The following TRIM24 variants were observed in gnomAD, a reference collection of about 807,000 sequenced individuals.
TRIM24 encodes tripartite motif containing 24, also known as transcription intermediary factor 1-alpha.
Under a neutral mutation model 123.9 loss-of-function variants are expected in TRIM24, and 29 were observed. The observed-to-expected ratio is 0.23, with a 90% CI of 0.17 to 0.32. The LOEUF is 0.32. Ranked by LOEUF, TRIM24 falls within the 10% of genes least tolerant of loss-of-function variation. The probability of loss-of-function intolerance (pLI) is 1.00; values close to 1 mark genes in which losing one functional copy is unlikely to be tolerated. For missense variants in TRIM24, 932 were observed against 1,295.3 expected, an observed-to-expected ratio of 0.72 and a Z score of 4.31; for synonymous variants, 456 against 461.1, an observed-to-expected ratio of 0.99 and a Z score of 0.14.
intron 6 of TRIM24, among the ~76,000 whole-genome samples, chr7:138,535,886 C>T (rs1409357811): frequency 6.6e-6 from 1 of 152,078 alleles, no homozygotes; most frequent in African/African-American, 2.4e-5. Context: ...TTCACATAGT[C>T]CCATATTTCT....
intron 1 of TRIM24, among the ~76,000 whole-genome samples, chr7:138,496,976 T>C (rs1175190103): frequency 6.6e-6 from 1 of 152,216 alleles, no homozygotes; most frequent in Non-Finnish European, 1.5e-5. Flanking sequence ...TTTGATTTTC[T>C]AGTGTTCTGT....
Position 138,589,100 on chromosome 7 carries a change from T to A in TRIM24, c.*4149T>A, listed in dbSNP as rs545975322. On this transcript the variant is annotated 3_prime_UTR_variant, in exon 19 of 19. Transcript: ENST00000343526. ...TTTTGAATAACCATGTACATATTTT[T>A]AAAAGTATTTTATAGCCCTATGTAA... 3 of 150,916 alleles carry A rather than the reference T, an allele frequency of 2.0e-5. No homozygotes were observed. Among genetic ancestry groups the A allele is most frequent in the African/African-American group, 4.8e-5 (2 of 41,550 alleles). The allele number at this position is 150,916 out of a possible 1,614,324, so 9.3% of individuals were successfully genotyped here. A position where few individuals can be genotyped will look rare whatever the true frequency, so the allele number is the denominator to read the frequency against.
intron 1 of TRIM24, among the ~76,000 whole-genome samples, chr7:138,479,429 G>A (rs1235930983): frequency 6.6e-6 from 1 of 151,690 alleles, no homozygotes; most frequent in East Asian, 1.9e-4. Context: ...CCAGAGTGTA[G>A]TGGTGCAATC....
intron 11 of TRIM24, among the ~76,000 whole-genome samples, chr7:138,571,916 T>G (rs1429184649): frequency 6.6e-6 from 1 of 152,110 alleles, no homozygotes; most frequent in African/African-American, 2.4e-5. Flanking sequence ...TGTAGACAGA[T>G]CTCCATATAT....
rs1441142692 is a variant in TRIM24 at position 138,588,171 on chromosome 7, G to C, written c.*3220G>C. 1 of 152,156 alleles carries C rather than the reference G, an allele frequency of 6.6e-6. No individual in the cohort carries two copies. The highest frequency in any genetic ancestry group is 6.5e-5 in the Admixed American group (1 of 15,280). The allele number at this position is 152,156 out of a possible 1,614,324, so 9.4% of individuals were successfully genotyped here. A position where few individuals can be genotyped will look rare whatever the true frequency, so the allele number is the denominator to read the frequency against. ...AGCTGATTGTTGCATTTATGAAACT[G>C]CATTTCAATATGCTATGCTGTTACT... On this transcript the variant is annotated 3_prime_UTR_variant, in exon 19 of 19. Coordinates refer to ENST00000343526, the MANE Select transcript of TRIM24 (RefSeq NM_015905.3).
At chr7:138,522,960 T>A (rs549070045) in intron 4 of TRIM24, among the ~76,000 whole-genome samples, 35 of 152,312 alleles carry the variant, frequency 2.3e-4, no homozygotes, top group African/African-American at 8.4e-4. Flanking sequence ...TGAAGCCATA[T>A]TTGGAGGACA....
At chr7:138,494,313 C>G (rs1309144935) in intron 1 of TRIM24, among the ~76,000 whole-genome samples, 1 of 151,932 alleles carries the variant, frequency 6.6e-6, no homozygotes, top group African/African-American at 2.4e-5. Flanking sequence ...GAGACAGGGT[C>G]TCACTGTGTT....
At chr7:138,519,085 GT>G in intron 3 of TRIM24, 103 bp from the exon 4 acceptor site, 1 of 1,325,236 alleles carries the variant, frequency 7.5e-7, no homozygotes, top group Non-Finnish European at 1.1e-6. Flanking sequence ...AGGTGAAGCT[GT>G]AGTGTTTATA....
At chr7:138,581,621 A>T (rs1236794321) in intron 16 of TRIM24, 76 bp from the exon 17 acceptor site, 2 of 1,280,530 alleles carry the variant, frequency 1.6e-6, no homozygotes, top group African/African-American at 3.0e-5. Context: ...GGGACCTCTG[A>T]GATTGTTATT....
At chr7:138,577,389 G>C in intron 13 of TRIM24, 31 bp from the exon 14 acceptor site, 1 of 1,468,320 alleles carries the variant, frequency 6.8e-7, no homozygotes, top group Non-Finnish European at 9.0e-7. Context: ...AACATTCTTA[G>C]ATTGCTTTTT....
chr7:138,589,332 G>T lies in TRIM24; in HGVS notation c.*4381G>T, dbSNP rs1410079400. ...CGTCTTTAATTTTTGGGGGCAGATT[G>T]GTGCTTTGGTTTTAATAAAAACTAA... On this transcript the variant is annotated 3_prime_UTR_variant, in exon 19 of 19. Coordinates refer to ENST00000343526, the MANE Select transcript of TRIM24 (RefSeq NM_015905.3). The T allele has an allele frequency of 6.6e-6, 1 of 152,072 alleles. No individual in the cohort carries two copies. Among genetic ancestry groups the T allele is most frequent in the African/African-American group, 2.4e-5 (1 of 41,420 alleles). The allele number at this position is 152,072 out of a possible 1,614,324, so 9.4% of individuals were successfully genotyped here.
Position 138,460,564 on chromosome 7 carries a change from G to A in TRIM24, c.16G>A (p.Glu6Lys), listed in dbSNP as rs995244335. Residue 6 changes from glutamate to lysine, a missense_variant, in exon 1 of 19, where the codon GAG becomes AAG. Glu to Lys is a moderately conservative substitution (Grantham distance 56). Coordinates refer to ENST00000343526, the MANE Select transcript of TRIM24 (RefSeq NM_015905.3). ...GGGCAGGACAATGGAGGTGGCGGTG[G>A]AGAAGGCGGTGGCGGCGGCGGCAGC... is the stretch of plus-strand genomic sequence containing the variant. MEVAV[E>K]KAVAAAAAAS... 6.1e-6 allele frequency: 8 copies of A among 1,311,036 alleles called. No individual in the cohort carries two copies. The highest frequency in any genetic ancestry group is 7.7e-6 in the Non-Finnish European group (8 of 1,040,356). The allele number at this position is 1,311,036 out of a possible 1,614,324, so 81.2% of individuals were successfully genotyped here. A position where few individuals can be genotyped will look rare whatever the true frequency, so the allele number is the denominator to read the frequency against.
intron 9 of TRIM24, among the ~76,000 whole-genome samples, chr7:138,562,079 T>C (rs1797439176): frequency 6.6e-6 from 1 of 152,190 alleles, no homozygotes. Flanking sequence ...TTGAGCCTTC[T>C]TCCTGGACAC....
chr7:138,519,378 G>A, intron 4 of TRIM24, 57 bp downstream of exon 4: 1 of 1,527,164 alleles, frequency 6.5e-7, no homozygotes, highest in East Asian at 2.3e-5. Context: ...AGGACTAAAG[G>A]ACTGCTGCCA....
At chr7:138,544,577 A>G (rs1414332878) in intron 7 of TRIM24, among the ~76,000 whole-genome samples, 1 of 152,152 alleles carries the variant, frequency 6.6e-6, no homozygotes, top group African/African-American at 2.4e-5. Context: ...TAATTATTTG[A>G]AGAACCTCCA....
At position 138,531,095 on chromosome 7, in the gene TRIM24, C is replaced by T. The variant is rs1796722359; in HGVS notation, c.996+1865C>T. On this transcript the variant is annotated intron_variant, in intron 6 of 18. Coordinates refer to ENST00000343526, the MANE Select transcript of TRIM24 (RefSeq NM_015905.3). ...CCTCCTGACTGAGAAGCTGGGACTA[C>T]AGGGCGTGTGCTGCCACTCCTGGCT... Among the ~76,000 whole-genome samples, 3 of 151,654 alleles carry T rather than the reference C, an allele frequency of 2.0e-5. No individual in the cohort carries two copies. The South Asian group carries it at 6.3e-4, about 32-fold the overall frequency.
At chr7:138,556,938 C>T (rs1424760471) in intron 9 of TRIM24, among the ~76,000 whole-genome samples, 1 of 152,204 alleles carries the variant, frequency 6.6e-6, no homozygotes, top group Non-Finnish European at 1.5e-5. Context: ...ACTCGTGGTA[C>T]AGGCAAGGAG....
chr7:138,532,509 A>G (rs1239910477), intron 6 of TRIM24, among the ~76,000 whole-genome samples: 1 of 152,144 alleles, frequency 6.6e-6, no homozygotes, highest in East Asian at 1.9e-4. Context: ...CAGGTTTGTC[A>G]AAGATCAGAT....
chr7:138,584,084 C>A, intron 18 of TRIM24, 85 bp downstream of exon 18: 2 of 1,419,070 alleles, frequency 1.4e-6, no homozygotes, highest in African/African-American at 3.0e-5. Context: ...ACATAGGAGA[C>A]CAAGATGTCT....
Sources: gnomAD v4.1 joint callset for allele counts (sites outside exome capture counted in the v4.1 genomes callset) on GRCh38, gnomAD v4.1.1 for gene constraint, MANE v1.5 for transcripts, NCBI Gene and HGNC (gene_info 2026-07-23, HGNC 2026-07-21) for gene names.